The following TENM2 variants were observed in gnomAD, a reference collection of about 807,000 sequenced individuals.
TENM2 encodes teneurin-2.
In TENM2, 52 loss-of-function variants were observed where a neutral mutation model predicts 245.2. The observed-to-expected ratio is 0.21, with a 90% CI of 0.17 to 0.27. The LOEUF (loss-of-function observed/expected upper bound fraction) is 0.27. TENM2 is among the 10% of genes least tolerant of loss of function. The pLI, the probability that TENM2 is intolerant of heterozygous loss-of-function variation, is 1.00. For synonymous variants in TENM2, 1,363 were observed against 1,438.9 expected, an observed-to-expected ratio of 0.95 and a Z score of 1.19; for missense variants, 3,046 against 3,666.8, an observed-to-expected ratio of 0.83 and a Z score of 4.37.
At chr5:167,940,265 T>C (rs924706833) in intron 3 of TENM2, among the ~76,000 whole-genome samples, 2 of 126,818 alleles carry the variant, frequency 1.6e-5, no homozygotes, top group Non-Finnish European at 3.1e-5. Context: ...TGTCAATGTG[T>C]AATTAATTAA....
intron 2 of TENM2, among the ~76,000 whole-genome samples, chr5:167,677,869 C>A (rs1200634061): frequency 6.6e-6 from 1 of 151,446 alleles, no homozygotes; most frequent in Non-Finnish European, 1.5e-5. Context: ...TTTAACAGAT[C>A]CAAGCTACTA....
intron 3 of TENM2, among the ~76,000 whole-genome samples, chr5:167,923,938 C>T (rs1047161691): frequency 2.6e-5 from 4 of 152,130 alleles, no homozygotes; most frequent in African/African-American, 9.7e-5. Context: ...AGAAACATGC[C>T]AGAATAAGGC....
the TENM2 span, among the ~76,000 whole-genome samples, chr5:167,247,510 T>C: frequency 1.3e-5 from 2 of 151,980 alleles, no homozygotes; most frequent in African/African-American, 4.8e-5. Flanking sequence ...CACATTTGTG[T>C]TGGAGGAAAA....
intron 2 of TENM2, among the ~76,000 whole-genome samples, chr5:167,788,241 A>AT (rs1388279358): frequency 6.6e-6 from 1 of 152,098 alleles, no homozygotes; most frequent in Non-Finnish European, 1.5e-5. Context: ...CCTTCATAGG[A>AT]TTTTTTTGAG....
intron 2 of TENM2, among the ~76,000 whole-genome samples, chr5:167,797,523 C>T (rs765416294): frequency 3.7e-4 from 56 of 152,150 alleles, no homozygotes; most frequent in Non-Finnish European, 7.8e-4. Flanking sequence ...CACCTGCAAG[C>T]GTTTGTGGCA....
intron 2 of TENM2, among the ~76,000 whole-genome samples, chr5:167,720,168 C>T (rs1184727545): frequency 6.6e-6 from 1 of 151,246 alleles, no homozygotes; most frequent in East Asian, 1.9e-4. Flanking sequence ...CCACAAAACA[C>T]GGGACAGGAA....
At position 168,025,511 on chromosome 5, in the gene TENM2, A is replaced by T. The variant is rs117721995; in HGVS notation, c.1187-21916A>T. Among the ~76,000 whole-genome samples, 162 of 152,330 alleles carry T rather than the reference A, an allele frequency of 1.1e-3. No individual in the cohort carries two copies. In the East Asian group the frequency reaches 0.025, roughly 24 times the overall value. On this transcript the variant is annotated intron_variant, in intron 5 of 28. Coordinates refer to ENST00000518659, the Ensembl canonical transcript of TENM2. ...TGATGTGATAGCAAGAACACTTGGTATCTCCAACAGAGACTGAAAATTGAA... is the reference window on the plus strand; with the variant it reads ...TGATGTGATAGCAAGAACACTTGGTTTCTCCAACAGAGACTGAAAATTGAA...
At chr5:167,353,330 T>C (rs1307982808) in intron 1 of TENM2, among the ~76,000 whole-genome samples, 1 of 110,500 alleles carries the variant, frequency 9.0e-6, no homozygotes, top group African/African-American at 4.7e-5. Flanking sequence ...TGCAGGGGGG[T>C]GGTGGGGGTG....
At chr5:167,771,249 G>A (rs1345768303) in intron 2 of TENM2, among the ~76,000 whole-genome samples, 1 of 152,102 alleles carries the variant, frequency 6.6e-6, no homozygotes, top group African/African-American at 2.4e-5. Flanking sequence ...GCTGCAGAAA[G>A]ATACTTAGTG....
the TENM2 span, among the ~76,000 whole-genome samples, chr5:167,171,645 TA>T: frequency 1.3e-5 from 2 of 152,090 alleles, no homozygotes; most frequent in East Asian, 3.9e-4. Context: ...TATGAAAGAT[TA>T]ACTACTCAAT....
intron 3 of TENM2, among the ~76,000 whole-genome samples, chr5:167,920,858 A>G (rs1401809523): frequency 6.6e-6 from 1 of 152,186 alleles, no homozygotes; most frequent in East Asian, 1.9e-4. Context: ...AGTAAGAATC[A>G]GCGACAATAA....
At chr5:167,353,115 C>T (rs901643182) in intron 1 of TENM2, among the ~76,000 whole-genome samples, 47 of 152,210 alleles carry the variant, frequency 3.1e-4, no homozygotes, top group African/African-American at 1.1e-3. Flanking sequence ...GAGGCTTGCC[C>T]GAAACCATAC....
At chr5:167,524,105 A>G (rs1162358080) in intron 2 of TENM2, among the ~76,000 whole-genome samples, 2 of 152,132 alleles carry the variant, frequency 1.3e-5, no homozygotes, top group Non-Finnish European at 2.9e-5. Flanking sequence ...CATAATCCCT[A>G]TTGAGTCAGC....
At chr5:168,138,383 C>T (rs1421676996) in intron 12 of TENM2, among the ~76,000 whole-genome samples, 1 of 152,220 alleles carries the variant, frequency 6.6e-6, no homozygotes, top group East Asian at 1.9e-4. Flanking sequence ...AAATTATTAA[C>T]ACCACACTTT....
rs567607804 is a variant in TENM2, at chr5:168,153,719, C to G, written c.2423-8892C>G. On this transcript the variant is annotated intron_variant, in intron 12 of 28. Coordinates refer to ENST00000518659, the Ensembl canonical transcript of TENM2. ...TGAGCAGGCGTCTGGATCCCGGGGGCTTGTTATAAATGCAGACGGCTGGGC... is the reference window on the plus strand; with the variant it reads ...TGAGCAGGCGTCTGGATCCCGGGGGGTTGTTATAAATGCAGACGGCTGGGC... Among the ~76,000 whole-genome samples, 28 of 152,274 alleles carry G rather than the reference C, an allele frequency of 1.8e-4. 1 individual carries two copies. The South Asian group carries it at 5.6e-3, about 30-fold the overall frequency.
chr5:168,161,389 G>A (rs1411113911), intron 12 of TENM2, among the ~76,000 whole-genome samples: 1 of 152,150 alleles, frequency 6.6e-6, no homozygotes, highest in Non-Finnish European at 1.5e-5. Context: ...GGTCACTGGG[G>A]TATATTTAAA....
intron 2 of TENM2, among the ~76,000 whole-genome samples, chr5:167,404,506 A>AT (rs1216603890): frequency 2.0e-5 from 3 of 152,122 alleles, no homozygotes; most frequent in Non-Finnish European, 4.4e-5. Context: ...CTGGGGAGAG[A>AT]TAAACCTTTG....
intron 2 of TENM2, among the ~76,000 whole-genome samples, chr5:167,777,975 C>T (rs1227468088): frequency 6.6e-6 from 1 of 152,202 alleles, no homozygotes; most frequent in Non-Finnish European, 1.5e-5. Flanking sequence ...TGGAACATAG[C>T]CCTGCCATTC....
At chr5:167,685,126 G>A (rs746182387) in intron 2 of TENM2, among the ~76,000 whole-genome samples, 36 of 152,128 alleles carry the variant, frequency 2.4e-4, no homozygotes, top group Non-Finnish European at 1.6e-4. Context: ...TTTTCAGAAG[G>A]CAACTTAAAA....
Sources: allele counts gnomAD v4.1 joint callset (sites outside exome capture counted in the v4.1 genomes callset), GRCh38; gene constraint gnomAD v4.1.1; transcripts MANE v1.5; gene names NCBI Gene and HGNC (gene_info 2026-07-23, HGNC 2026-07-21).